RNF40: variants seen among roughly 807,000 people sequenced by gnomAD.
RNF40 encodes ring finger protein 40.
RNF40 carries 39 observed loss-of-function variants against 123.3 expected under a neutral mutation model. That is an observed-to-expected ratio of 0.32 (90% CI 0.24 to 0.41). The LOEUF (loss-of-function observed/expected upper bound fraction) is 0.41. Ranked by LOEUF, RNF40 falls within the 10% of genes least tolerant of loss-of-function variation. RNF40 has a pLI of 1.00. For missense variants in RNF40, 1,003 were observed against 1,319.9 expected, an observed-to-expected ratio of 0.76 and a Z score of 3.72; for synonymous variants, 538 against 526.0, an observed-to-expected ratio of 1.02 and a Z score of -0.31.
At chr16:30,767,023 T>G in intron 11 of RNF40, 147 bp downstream of exon 11, 1 of 1,099,672 alleles carries the variant, frequency 9.1e-7, no homozygotes, top group Non-Finnish European at 1.3e-6. Context: ...CCTGCACTGC[T>G]TGGCTCCCAG....
chr16:30,762,755 T>TAA, intron 2 of RNF40, 78 bp downstream of exon 2: 1 of 1,552,612 alleles, frequency 6.4e-7, no homozygotes, highest in Non-Finnish European at 8.7e-7. Context: ...TGCGGAATCT[T>TAA]ACACCCACTT....
rs1484784512 is a variant in RNF40 at position 30,764,203 on chromosome 16, C to T, written c.467C>T (p.Pro156Leu). 1 of 1,610,880 alleles carries T rather than the reference C, an allele frequency of 6.2e-7. No individual in the cohort carries two copies. Among genetic ancestry groups the T allele is most frequent in the East Asian group, 2.2e-5 (1 of 44,784 alleles). The change falls in exon 5 of 20, where the codon CCC (proline) becomes CTC (leucine). Residue 156 changes from proline (P) to leucine (L), a missense_variant. By Grantham distance (98) the Pro-to-Leu change is moderately conservative (BLOSUM62 -3). Around this residue, in one of 11 missense-constraint regions of RNF40, gnomAD observed 104 missense variants for 85.2 expected, o/e 1.22. Coordinates refer to ENST00000324685, the MANE Select transcript of RNF40 (RefSeq NM_014771.4). Reference protein sequence around the residue: ...LRDPLLMQLRPPLSEPALAFV... With the variant: ...LRDPLLMQLRLPLSEPALAFV... Reference sequence around the variant, plus strand: ...GACCCCTTGCTGATGCAGCTGCGGCCCCCTCTCAGTGAGCCGGCCTTGGCT... The same window carrying T: ...GACCCCTTGCTGATGCAGCTGCGGCTCCCTCTCAGTGAGCCGGCCTTGGCT...
chr16:30,766,202 C>T lies in RNF40; in HGVS notation c.1033C>T (p.Leu345=), dbSNP rs764576416. 6.2e-7 allele frequency: 1 copy of T among 1,614,190 alleles called. No individual in the cohort carries two copies. The highest frequency in any genetic ancestry group is 1.1e-5 in the South Asian group (1 of 91,090). The change falls in exon 9 of 20, where the codon CTG becomes TTG. Residue 345 remains leucine (L), a synonymous_variant. Coordinates refer to ENST00000324685, the MANE Select transcript of RNF40 (RefSeq NM_014771.4). This position sits in a 1 kb window ranked among gnomAD's most constrained non-coding sequence, Gnocchi z 5.4. ...LNAELEENQE[L]ANSRMAELEK... ...TGCAGAGTTAGAGGAAAACCAGGAA[C>T]TGGCCAACAGCCGTATGGCAGAGCT... is the stretch of plus-strand genomic sequence containing the variant.
upstream of RNF40, chr16:30,761,761 C>G (rs956469306): frequency 2.0e-6 from 3 of 1,512,740 alleles, no homozygotes; most frequent in African/African-American, 1.4e-5. Context: ...CGCCGCTCTT[C>G]CGTGCCGCGA....
rs201471588 is a variant in RNF40, at chr16:30,768,948, G to A, written c.2208G>A (p.Gln736=). 1.9e-5 allele frequency: 31 copies of A among 1,613,980 alleles called. 1 individual carries two copies. Among genetic ancestry groups the A allele is most frequent in the Non-Finnish European group, 2.6e-5 (31 of 1,180,042 alleles). ...GGCGCATTCGGCAGGCAGAGGAGCA[G>A]ATAGAACACCTGCAGCGCAAGCTGG... ...ALRRIRQAEE[Q]IEHLQRKLGA... is the part of the protein sequence containing the mutation. Residue 736 remains glutamine, a synonymous_variant, in exon 15 of 20, where the codon CAG becomes CAA. Transcript: ENST00000324685. The surrounding 1 kb of genome is among the most constrained non-coding windows in gnomAD (Gnocchi z 4.1).
intron 5 of RNF40, 36 bp from the exon 6 acceptor site, chr16:30,764,902 C>G (rs761092900): frequency 4.4e-6 from 7 of 1,599,088 alleles, no homozygotes; most frequent in Non-Finnish European, 6.0e-6. Context: ...CCCCATTGCC[C>G]TGAGCTGGGC....
chr16:30,775,111 T>C lies in RNF40; in HGVS notation c.*997T>C. On this transcript the variant is annotated 3_prime_UTR_variant, in exon 20 of 20. Transcript: ENST00000324685. ...AGGGTTGGAGCTGCAGGGACCCGTT[T>C]GGACCCACAGCCTCTGTTCTAGAGA... 4.5e-6 allele frequency: 2 copies of C among 449,210 alleles called. No individual in the cohort carries two copies. Among genetic ancestry groups the C allele is most frequent in the Non-Finnish European group, 8.9e-6 (2 of 223,468 alleles). 27.8% of individuals were successfully genotyped at this position (449,210 alleles called of 1,614,324 possible). A position where few individuals can be genotyped will look rare whatever the true frequency, so the allele number is the denominator to read the frequency against.
chr16:30,763,657 C>T, intron 4 of RNF40, 98 bp downstream of exon 4: 4 of 1,248,768 alleles, frequency 3.2e-6, no homozygotes, highest in South Asian at 1.4e-5. Context: ...GCCTATCTTA[C>T]TACTTCTCAC....
In RNF40 at chr16:30,765,220, A is replaced by G; in HGVS notation, c.811A>G (p.Lys271Glu). The G allele has an allele frequency of 6.2e-7, 1 of 1,614,214 alleles. No homozygotes were observed. The highest frequency in any genetic ancestry group is 8.5e-7 in the Non-Finnish European group (1 of 1,180,034). The change falls in exon 7 of 20, where the codon AAG becomes GAG. Residue 271 changes from lysine to glutamate, a missense_variant. Physicochemically the swap from Lys to Glu is moderately conservative, Grantham distance 56. Coordinates refer to ENST00000324685, the MANE Select transcript of RNF40 (RefSeq NM_014771.4). ...GGATAAAGTGACATCGGCAGAGACC[A>G]AGGTGCTGGAGATGGAGACAACAGT... ...LQDKVTSAETKVLEMETTVED... is the reference protein window; with the variant it reads ...LQDKVTSAETEVLEMETTVED...
chr16:30,775,334 G>A lies in RNF40; in HGVS notation c.*1220G>A, dbSNP rs1327979546. 2 of 291,644 alleles carry A rather than the reference G, an allele frequency of 6.9e-6. No homozygotes were observed. The highest frequency in any genetic ancestry group is 4.9e-5 in the Admixed American group (1 of 20,288). 18.1% of individuals were successfully genotyped at this position (291,644 alleles called of 1,614,324 possible). On this transcript the variant is annotated 3_prime_UTR_variant, in exon 20 of 20. Transcript: ENST00000324685. The stretch of plus-strand genomic sequence containing the variant: ...GATCCCGGACTGGGCCTGAAGGGGA[G>A]AGCGTGGTGGTCGTCGCGGAGCCGC...
intron 16 of RNF40, 21 bp downstream of exon 16, chr16:30,769,419 C>T (rs1053652978): frequency 1.2e-6 from 2 of 1,614,206 alleles, no homozygotes; most frequent in Non-Finnish European, 1.7e-6. Flanking sequence ...CGCCAGCTTG[C>T]AGACTGGAGC....
At chr16:30,761,688 G>C, upstream of RNF40, 2 of 1,535,814 alleles carry the variant, frequency 1.3e-6, no homozygotes, top group Admixed American at 2.0e-5. Context: ...AGCTCGGAGA[G>C]ATGTTCAAGC....
In RNF40 at chr16:30,774,277, T is replaced by C; in HGVS notation, c.*163T>C. On this transcript the variant is annotated 3_prime_UTR_variant, in exon 20 of 20. Coordinates refer to ENST00000324685, the MANE Select transcript of RNF40 (RefSeq NM_014771.4). ...GGACCCTGGTGCATGCTAGTGGGCATGGGATCAGCCAAGCTTCGTTCCATC... is the reference window on the plus strand; with the variant it reads ...GGACCCTGGTGCATGCTAGTGGGCACGGGATCAGCCAAGCTTCGTTCCATC... 1.5e-6 allele frequency: 1 copy of C among 664,416 alleles called. No individual in the cohort carries two copies. Among genetic ancestry groups the C allele is most frequent in the Non-Finnish European group, 2.5e-6 (1 of 400,330 alleles). The allele number at this position is 664,416 out of a possible 1,614,324, so 41.2% of individuals were successfully genotyped here.
At position 30,763,488 on chromosome 16, in the gene RNF40, C is replaced by T. The variant is rs749830526; in HGVS notation, c.371C>T (p.Ala124Val). 4 of 1,613,808 alleles carry T rather than the reference C, an allele frequency of 2.5e-6. No homozygotes were observed. The highest frequency in any genetic ancestry group is 1.7e-4 in the Middle Eastern group (1 of 6,058). Residue 124 changes from alanine to valine, a missense_variant, in exon 4 of 20, where the codon GCA becomes GTA. By Grantham distance (64) the Ala-to-Val change is moderately conservative (BLOSUM62 0). This residue lies in a region of RNF40 where 104 missense variants were observed against 85.2 expected (regional missense o/e 1.22). Coordinates refer to ENST00000324685, the MANE Select transcript of RNF40 (RefSeq NM_014771.4). ...SQGELSSAPEAPGTQEGPTCD... is the reference protein window; with the variant it reads ...SQGELSSAPEVPGTQEGPTCD... ...GGGGAGCTGTCTTCAGCGCCTGAGGCACCTGGGACCCAGGAGGGGCCAACA... is the reference window on the plus strand; with the variant it reads ...GGGGAGCTGTCTTCAGCGCCTGAGGTACCTGGGACCCAGGAGGGGCCAACA...
chr16:30,765,079 G>T lies in RNF40; in HGVS notation c.771+20G>T. ...TTGGAGGTGAGGAGCCGGGGGCTTT[G>T]GGGGTGTGATTAGAATCAGGCAGGA... On this transcript the variant is annotated intron_variant, in intron 6 of 19. Coordinates refer to ENST00000324685, the MANE Select transcript of RNF40 (RefSeq NM_014771.4). The T allele has an allele frequency of 8.1e-6, 13 of 1,613,132 alleles. No homozygotes were observed. The highest frequency in any genetic ancestry group is 6.7e-5 in the East Asian group (3 of 44,846).
Position 30,772,069 on chromosome 16 carries a change from C to G in RNF40, c.2728-20C>G, listed in dbSNP as rs1181569288. On this transcript the variant is annotated intron_variant, in intron 18 of 19. Transcript: ENST00000324685. The stretch of plus-strand genomic sequence containing the variant: ...CAAGGTTGAGGACCCTTGCCCTTAG[C>G]CAGGCCTCTCCTGCCCCAGGAGGAC... 1.3e-6 allele frequency: 2 copies of G among 1,568,778 alleles called. No homozygotes were observed. The highest frequency in any genetic ancestry group is 2.7e-5 in the African/African-American group (2 of 73,766).
At chr16:30,763,045 C>T (rs1327391851) in intron 2 of RNF40, 73 bp from the exon 3 acceptor site, 6 of 1,556,426 alleles carry the variant, frequency 3.9e-6, no homozygotes, top group East Asian at 4.5e-5. Flanking sequence ...TGCTCTGCTC[C>T]TCTTTCTCTC....
chr16:30,771,685 G>A, intron 17 of RNF40, 148 bp from the exon 18 acceptor site: 1 of 798,634 alleles, frequency 1.3e-6, no homozygotes, highest in Non-Finnish European at 1.9e-6. Context: ...GGGAGAACAG[G>A]AGGGGAGGGC....
chr16:30,761,903 G>C (rs1361745994), upstream of RNF40: 1 of 742,636 alleles, frequency 1.3e-6, no homozygotes, highest in Non-Finnish European at 2.1e-6. Flanking sequence ...ATCCGTGGGG[G>C]CGTCTCCCTC....
Sources: allele counts gnomAD v4.1 joint callset, GRCh38; gene constraint gnomAD v4.1.1; regional missense constraint gnomAD v4.1.1; non-coding constraint Gnocchi (gnomAD v3.1); transcripts MANE v1.5; gene names NCBI Gene and HGNC (gene_info 2026-07-23, HGNC 2026-07-21).